Variants in FRMD3 observed in about 807,000 individuals in gnomAD.
FRMD3 encodes FERM domain containing 3, also known as FERM domain-containing protein 3.
FRMD3 carries 33 observed loss-of-function variants against 70.2 expected under a neutral mutation model. That is an observed-to-expected ratio of 0.47 (90% CI 0.36 to 0.63). The LOEUF is 0.63. Among genes scored for constraint, FRMD3 ranks in the 20% least tolerant of loss-of-function variants. The probability of loss-of-function intolerance (pLI) is 0.00; values close to 1 mark genes in which losing one functional copy is unlikely to be tolerated. For missense variants in FRMD3, 632 were observed against 711.4 expected (o/e 0.89, Z 1.27); for synonymous variants, 279 against 255.9 (o/e 1.09, Z -0.86).
intron 1 of FRMD3, among the ~76,000 whole-genome samples, chr9:83,489,013 T>TGTGTGC (rs1217450240): frequency 7.0e-6 from 1 of 143,174 alleles, no homozygotes; most frequent in Admixed American, 6.8e-5. Context: ...TGTGTGTGTG[T>TGTGTGC]GTGCTTGTGT....
intron 1 of FRMD3, among the ~76,000 whole-genome samples, chr9:83,486,834 A>G (rs746837832): frequency 6.6e-6 from 1 of 152,212 alleles, no homozygotes; most frequent in Non-Finnish European, 1.5e-5. Flanking sequence ...AAATGTGCAC[A>G]CACACACACA....
chr9:83,570,139 C>T, the FRMD3 span, among the ~76,000 whole-genome samples: 1 of 152,204 alleles, frequency 6.6e-6, no homozygotes, highest in Non-Finnish European at 1.5e-5. Context: ...CAAACATTTA[C>T]TAAGTATCTA....
the FRMD3 span, among the ~76,000 whole-genome samples, chr9:83,549,826 T>A: frequency 6.6e-6 from 1 of 152,178 alleles, no homozygotes; most frequent in African/African-American, 2.4e-5. Context: ...TTTGTTTAAG[T>A]TCCTTATAGA....
intron 3 of FRMD3, among the ~76,000 whole-genome samples, chr9:83,357,685 C>T (rs1824446655): frequency 1.3e-5 from 2 of 152,106 alleles, no homozygotes; most frequent in South Asian, 4.1e-4. Flanking sequence ...TGATGTTGAG[C>T]ATTTTCTCAC....
At chr9:83,451,023 G>C (rs753975759) in intron 1 of FRMD3, among the ~76,000 whole-genome samples, 2 of 152,154 alleles carry the variant, frequency 1.3e-5, no homozygotes, top group Non-Finnish European at 2.9e-5. Flanking sequence ...CCTTCAACCC[G>C]AGAGCAACGA....
chr9:83,347,296 AT>A (rs143564538), intron 4 of FRMD3, among the ~76,000 whole-genome samples: 228 of 152,022 alleles, frequency 1.5e-3, no homozygotes, highest in African/African-American at 5.3e-3. Context: ...AAGGATGCTC[AT>A]TTTTTTTATA....
At chr9:83,501,724 G>T (rs752814945) in intron 1 of FRMD3, among the ~76,000 whole-genome samples, 2 of 152,162 alleles carry the variant, frequency 1.3e-5, no homozygotes, top group African/African-American at 2.4e-5. Context: ...GTAACAAGCG[G>T]CAAGGCAACC....
chr9:83,460,007 G>A (rs1023525862), intron 1 of FRMD3, among the ~76,000 whole-genome samples: 4 of 152,134 alleles, frequency 2.6e-5, no homozygotes, highest in African/African-American at 4.8e-5. Context: ...TAATTCCATC[G>A]GGCAGGGCCC....
Position 83,538,335 on chromosome 9 carries a change from C to A in FRMD3, c.-104G>T. On this transcript the variant is annotated 5_prime_UTR_variant, in exon 1 of 14. Transcript: ENST00000304195. This position sits in a 1 kb window ranked among gnomAD's most constrained non-coding sequence, Gnocchi z 4.7. ...CACTGTCCGGGACACCTGGGCGCGG[C>A]TCAGCCCCGGGACATCGGCAGCGTC... is the stretch of plus-strand genomic sequence containing the variant. The A allele has an allele frequency of 8.8e-7, 1 of 1,140,806 alleles. No individual in the cohort carries two copies. The highest frequency in any genetic ancestry group is 1.1e-6 in the Non-Finnish European group (1 of 881,338). The allele number at this position is 1,140,806 out of a possible 1,614,324, so 70.7% of individuals were successfully genotyped here.
chr9:83,580,344 T>C, the FRMD3 span, among the ~76,000 whole-genome samples: 1 of 152,040 alleles, frequency 6.6e-6, no homozygotes, highest in Non-Finnish European at 1.5e-5. Context: ...ATACTCCCAA[T>C]AGCCAAGATA....
chr9:83,335,482 T>C (rs1392841351), intron 6 of FRMD3, 34 bp downstream of exon 6: 1 of 1,575,482 alleles, frequency 6.3e-7, no homozygotes. Flanking sequence ...TTTCTCCCCT[T>C]TATCATTTTC....
intron 1 of FRMD3, among the ~76,000 whole-genome samples, chr9:83,399,687 G>A (rs931587886): frequency 1.3e-5 from 2 of 152,156 alleles, no homozygotes; most frequent in East Asian, 1.9e-4. Context: ...AACTGGCAGA[G>A]TAAATATTTA....
chr9:83,263,325 A>G (rs1281581793), intron 13 of FRMD3, among the ~76,000 whole-genome samples: 3 of 152,252 alleles, frequency 2.0e-5, no homozygotes, highest in Non-Finnish European at 2.9e-5. Context: ...TAAGTGATGC[A>G]GCTGTCATAC....
intron 1 of FRMD3, among the ~76,000 whole-genome samples, chr9:83,410,186 C>A (rs1221545197): frequency 2.0e-5 from 3 of 152,164 alleles, no homozygotes; most frequent in African/African-American, 7.2e-5. Context: ...ATTTTAGATT[C>A]TGGGTTTGTT....
chr9:83,297,338 G>A (rs1412370400), intron 12 of FRMD3, among the ~76,000 whole-genome samples: 1 of 152,114 alleles, frequency 6.6e-6, no homozygotes, highest in Non-Finnish European at 1.5e-5. Context: ...AAAATGCCAG[G>A]TGCTCTCAGG....
downstream of FRMD3, among the ~76,000 whole-genome samples, chr9:83,243,752 C>T (rs1831957109): frequency 6.7e-6 from 1 of 150,064 alleles, no homozygotes; most frequent in Non-Finnish European, 1.5e-5. Flanking sequence ...GCCAATTCTG[C>T]TTGACTTCTA....
chr9:83,344,656 T>C (rs1053554253), intron 4 of FRMD3, among the ~76,000 whole-genome samples: 4 of 152,184 alleles, frequency 2.6e-5, no homozygotes, highest in Non-Finnish European at 2.9e-5. Flanking sequence ...ATCTACACCA[T>C]TGACTCTCTG....
At chr9:83,328,851 C>G (rs545086995) in intron 6 of FRMD3, among the ~76,000 whole-genome samples, 11 of 152,176 alleles carry the variant, frequency 7.2e-5, no homozygotes, top group Non-Finnish European at 1.6e-4. Flanking sequence ...TAAATATCCT[C>G]TGGATAAATT....
chr9:83,408,447 G>A (rs1313398238), intron 1 of FRMD3, among the ~76,000 whole-genome samples: 2 of 152,136 alleles, frequency 1.3e-5, no homozygotes, highest in Non-Finnish European at 2.9e-5. Flanking sequence ...GGCTGATGTG[G>A]ACATCTAGCC....
Sources: allele counts gnomAD v4.1 joint callset (sites outside exome capture counted in the v4.1 genomes callset), GRCh38; gene constraint gnomAD v4.1.1; non-coding constraint Gnocchi (gnomAD v3.1); transcripts MANE v1.5; gene names NCBI Gene and HGNC (gene_info 2026-07-23, HGNC 2026-07-21).